The following ZNF236 variants were observed in gnomAD, a reference collection of about 807,000 sequenced individuals.
ZNF236 encodes the protein zinc finger protein 236, also known as regulated by glucose.
ZNF236 carries 50 observed loss-of-function variants against 191.2 expected under a neutral mutation model. The ratio of observed to expected loss-of-function variants is 0.26; its 90% CI spans 0.21 to 0.33. The LOEUF (loss-of-function observed/expected upper bound fraction) is 0.33. Ranked by LOEUF, ZNF236 falls within the 10% of genes least tolerant of loss-of-function variation. The pLI is 1.00. For missense variants in ZNF236, 1,754 were observed against 2,374.5 expected (o/e 0.74, Z 5.43); for synonymous variants, 907 against 928.8 (o/e 0.98, Z 0.43).
At chr18:76,953,580 G>T (rs969990492) in intron 27 of ZNF236, among the ~76,000 whole-genome samples, 6 of 152,164 alleles carry the variant, frequency 3.9e-5, no homozygotes, top group African/African-American at 1.4e-4. Flanking sequence ...CACTCTTCAT[G>T]TCTGAATAGA....
intron 30 of ZNF236, among the ~76,000 whole-genome samples, chr18:76,963,724 T>C (rs1968712921): frequency 6.6e-6 from 1 of 152,178 alleles, no homozygotes; most frequent in Non-Finnish European, 1.5e-5. Context: ...TTGTTGGTAA[T>C]TTTTAAATTA....
In ZNF236 at chr18:76,919,977, C is replaced by T. The variant is rs542819528; in HGVS notation, c.3476C>T (p.Ala1159Val). 105 of 1,613,912 alleles carry T rather than the reference C, an allele frequency of 6.5e-5. 1 individual carries two copies. Among genetic ancestry groups the T allele is most frequent in the Middle Eastern group, 1.7e-4 (1 of 5,882 alleles). ...ATCAGTGAGCTGAGGGACAAGCAGG[C>T]GGAGCTGCAGGACGAGCCCAAGCAC... ...DRISELRDKQ[A>V]ELQDEPKHAN... The change falls in exon 20 of 31, where the codon GCG becomes GTG. Residue 1159 changes from alanine to valine, a missense_variant. Coordinates refer to ENST00000320610, the MANE Select transcript of ZNF236 (RefSeq NM_001306089.2). The surrounding 1 kb of genome is among the most constrained non-coding windows in gnomAD (Gnocchi z 5.3).
chr18:76,865,815 C>G (rs1276676970), intron 3 of ZNF236, among the ~76,000 whole-genome samples: 1 of 152,136 alleles, frequency 6.6e-6, no homozygotes, highest in Non-Finnish European at 1.5e-5. Flanking sequence ...TAAAGTATGC[C>G]TCATTAAAAT....
chr18:76,938,917 G>A (rs549523067), intron 26 of ZNF236, among the ~76,000 whole-genome samples: 12 of 152,352 alleles, frequency 7.9e-5, no homozygotes, highest in African/African-American at 2.4e-4. Flanking sequence ...TGCGGAGCGC[G>A]TGACTGCTTA....
chr18:76,909,504 C>G (rs1188559871), intron 14 of ZNF236, among the ~76,000 whole-genome samples: 1 of 152,046 alleles, frequency 6.6e-6, no homozygotes. Flanking sequence ...GGTGACTGGT[C>G]TGCGGTGAGA....
chr18:76,946,124 C>G (rs553068579), intron 26 of ZNF236, among the ~76,000 whole-genome samples: 13 of 152,130 alleles, frequency 8.5e-5, no homozygotes, highest in Non-Finnish European at 1.6e-4. Context: ...TCTTGAATTC[C>G]CATGTGTTGT....
At chr18:76,890,473 T>C (rs1977197274) in intron 9 of ZNF236, among the ~76,000 whole-genome samples, 2 of 152,222 alleles carry the variant, frequency 1.3e-5, no homozygotes, top group South Asian at 4.1e-4. Context: ...ACAGTTACAC[T>C]TTCCTTTGGT....
chr18:76,898,192 G>A (rs774767713), intron 10 of ZNF236: 9 of 152,098 alleles, frequency 5.9e-5, no homozygotes, highest in Non-Finnish European at 7.3e-5. Flanking sequence ...CTTTCATTAC[G>A]GAGCTCCATT....
intron 26 of ZNF236, among the ~76,000 whole-genome samples, chr18:76,938,580 AT>A (rs1968056742): frequency 6.6e-6 from 1 of 152,166 alleles, no homozygotes; most frequent in Non-Finnish European, 1.5e-5. Context: ...AAATAGCAGC[AT>A]TTCCTCTGCA....
At chr18:76,860,816 A>G (rs17059985) in intron 3 of ZNF236, among the ~76,000 whole-genome samples, 3,818 of 152,256 alleles carry the variant, frequency 0.025, 56 homozygotes, top group Non-Finnish European at 0.035. Flanking sequence ...TTGACTTTAC[A>G]TTTCTATTAC....
At position 76,908,517 on chromosome 18, in the gene ZNF236, C is replaced by T. The variant is rs1459090916; in HGVS notation, c.2495C>T (p.Thr832Met). 6.2e-6 allele frequency: 10 copies of T among 1,613,680 alleles called. No homozygotes were observed. Among genetic ancestry groups the T allele is most frequent in the South Asian group, 1.1e-5 (1 of 91,076 alleles). ...LDLEPQHVVG[T>M]EEAGLGQQLA... Reference sequence around the variant, plus strand: ...CTGGAGCCTCAGCATGTGGTGGGCACGGAGGAAGCAGGGCTGGGCCAGCAG... The same window carrying T: ...CTGGAGCCTCAGCATGTGGTGGGCATGGAGGAAGCAGGGCTGGGCCAGCAG... Residue 832 changes from threonine to methionine, a missense_variant, in exon 14 of 31, where the codon ACG becomes ATG. Around this residue, in one of 5 missense-constraint regions of ZNF236, gnomAD observed 641 missense variants for 869.6 expected, o/e 0.74. Coordinates refer to ENST00000320610, the MANE Select transcript of ZNF236 (RefSeq NM_001306089.2).
intron 26 of ZNF236, among the ~76,000 whole-genome samples, chr18:76,942,704 C>G (rs1184431993): frequency 1.3e-5 from 2 of 150,248 alleles, no homozygotes; most frequent in African/African-American, 4.9e-5. Context: ...TTAGTAGAGA[C>G]GGGGTTTCAC....
chr18:76,840,407 T>C (rs928147540), intron 1 of ZNF236, among the ~76,000 whole-genome samples: 6 of 151,892 alleles, frequency 4.0e-5, no homozygotes, highest in African/African-American at 1.4e-4. Flanking sequence ...GGCAGGAGAA[T>C]CGCTTGAACC....
rs116643084 is a variant in ZNF236 at position 76,920,082 on chromosome 18, G to A, written c.3557+24G>A. 1.6e-3 allele frequency: 2,588 copies of A among 1,601,802 alleles called. 32 individuals carry two copies. The African/African-American group carries it at 0.027, about 17-fold the overall frequency. On this transcript the variant is annotated intron_variant, in intron 20 of 30. Coordinates refer to ENST00000320610, the MANE Select transcript of ZNF236 (RefSeq NM_001306089.2). ...AGGTGAGGGCATGGCTACGCCGCGC[G>A]GGTTCCGCTCTGAAGACTGGAGGTG...
chr18:76,829,081 A>C (rs1216426648), intron 1 of ZNF236, among the ~76,000 whole-genome samples: 1 of 152,214 alleles, frequency 6.6e-6, no homozygotes, highest in African/African-American at 2.4e-5. Flanking sequence ...AGCTTGGGAA[A>C]AGCTATAGTG....
chr18:76,829,268 G>T (rs1000500714), intron 1 of ZNF236, among the ~76,000 whole-genome samples: 2 of 151,838 alleles, frequency 1.3e-5, no homozygotes, highest in Admixed American at 6.6e-5. Flanking sequence ...AAGTATCATG[G>T]CAAGGCCTGG....
chr18:76,840,049 A>T (rs1360257233), intron 1 of ZNF236, among the ~76,000 whole-genome samples: 2 of 152,202 alleles, frequency 1.3e-5, no homozygotes, highest in Non-Finnish European at 2.9e-5. Flanking sequence ...TTATTTTGTT[A>T]TAATTTAATA....
At chr18:76,871,914 C>A in intron 5 of ZNF236, 89 bp downstream of exon 5, 1 of 1,488,300 alleles carries the variant, frequency 6.7e-7, no homozygotes, top group Non-Finnish European at 9.3e-7. Flanking sequence ...GGAATCTGAT[C>A]CCAGCTTTCT....
rs1235386617 is a variant in ZNF236, at chr18:76,875,208, G to C, written c.668-284G>C. Reference sequence around the variant, plus strand: ...AACCAAAGATAAGGATGACTCCAAGGTTTTTTGCCTGATCCCCTGGAAGGA... The same window carrying C: ...AACCAAAGATAAGGATGACTCCAAGCTTTTTTGCCTGATCCCCTGGAAGGA... On this transcript the variant is annotated intron_variant, in intron 5 of 30. Coordinates refer to ENST00000320610, the MANE Select transcript of ZNF236 (RefSeq NM_001306089.2). The surrounding 1 kb of genome is among the most constrained non-coding windows in gnomAD (Gnocchi z 4.3). Among the ~76,000 whole-genome samples the C allele has an allele frequency of 6.6e-6, 1 of 152,080 alleles. No homozygotes were observed. The highest frequency in any genetic ancestry group is 2.4e-5 in the African/African-American group (1 of 41,430).
Sources: allele counts gnomAD v4.1 joint callset (sites outside exome capture counted in the v4.1 genomes callset), GRCh38; gene constraint gnomAD v4.1.1; regional missense constraint gnomAD v4.1.1; non-coding constraint Gnocchi (gnomAD v3.1); transcripts MANE v1.5; gene names NCBI Gene and HGNC (gene_info 2026-07-23, HGNC 2026-07-21).